The following MED26 variants were observed in gnomAD, a reference collection of about 807,000 sequenced individuals.
MED26 encodes the protein mediator of RNA polymerase II transcription subunit 26.
Under a neutral mutation model 43.7 loss-of-function variants are expected in MED26, and 7 were observed. The observed-to-expected ratio is 0.16, with a 90% CI of 0.09 to 0.30. The LOEUF is 0.30. Among genes scored for constraint, MED26 ranks in the 10% least tolerant of loss-of-function variants. The pLI, the probability that MED26 is intolerant of heterozygous loss-of-function variation, is 1.00. For synonymous variants in MED26, 375 were observed against 371.1 expected, an observed-to-expected ratio of 1.01 and a Z score of -0.12; for missense variants, 784 against 840.6, an observed-to-expected ratio of 0.93 and a Z score of 0.83.
At position 16,575,319 on chromosome 19, in the gene MED26, T is replaced by A. The variant is rs1275082613; in HGVS notation, c.*708A>T. On this transcript the variant is annotated 3_prime_UTR_variant, in exon 3 of 3. Coordinates refer to ENST00000263390, the MANE Select transcript of MED26 (RefSeq NM_004831.5). ...GTGGTCTGATGGAAGAGGAATTGTT[T>A]AAAATAAACATGAGAAAACTTAAAT... 1.3e-5 allele frequency: 2 copies of A among 152,684 alleles called. No individual in the cohort carries two copies. Among genetic ancestry groups the A allele is most frequent in the African/African-American group, 4.8e-5 (2 of 41,458 alleles). The allele number at this position is 152,684 out of a possible 1,614,324, so 9.5% of individuals were successfully genotyped here. A position where few individuals can be genotyped will look rare whatever the true frequency, so the allele number is the denominator to read the frequency against.
intron 1 of MED26, among the ~76,000 whole-genome samples, chr19:16,609,938 C>CT (rs2086192033): frequency 2.0e-5 from 2 of 100,282 alleles, no homozygotes; most frequent in South Asian, 3.4e-4. Flanking sequence ...CACAAGCACT[C>CT]TTTAAAAAAA....
chr19:16,618,136 G>A (rs1214300454), intron 1 of MED26, among the ~76,000 whole-genome samples: 2 of 152,180 alleles, frequency 1.3e-5, no homozygotes, highest in African/African-American at 4.8e-5. Flanking sequence ...GAAACAGGCA[G>A]GACAATCAGA....
chr19:16,576,189 G>A lies in MED26; in HGVS notation c.1641C>T (p.Val547=), dbSNP rs2085997464. Residue 547 remains valine (V), a synonymous_variant, in exon 3 of 3, where the codon GTC becomes GTT. Coordinates refer to ENST00000263390, the MANE Select transcript of MED26 (RefSeq NM_004831.5). This position sits in a 1 kb window ranked among gnomAD's most constrained non-coding sequence, Gnocchi z 6.8. ...GGATTCTGTCGAGATCGTCCTGTGT[G>A]ACCTCCCGGGTCAGACCAGGGAGGT... is the stretch of plus-strand genomic sequence containing the variant. ...PTDLPGLTRE[V]TQDDLDRIQA... 2 of 1,613,042 alleles carry A rather than the reference G, an allele frequency of 1.2e-6. No individual in the cohort carries two copies. The highest frequency in any genetic ancestry group is 2.2e-5 in the East Asian group (1 of 44,870).
intron 1 of MED26, among the ~76,000 whole-genome samples, chr19:16,617,805 T>C (rs2086232804): frequency 8.2e-6 from 1 of 122,102 alleles, no homozygotes; most frequent in Non-Finnish European, 1.6e-5. Flanking sequence ...ACCATCAAGG[T>C]GAGAAAATGA....
intron 1 of MED26, among the ~76,000 whole-genome samples, chr19:16,595,803 T>C (rs1383862736): frequency 6.6e-6 from 1 of 152,272 alleles, no homozygotes; most frequent in Non-Finnish European, 1.5e-5. Flanking sequence ...CTAAATGTTC[T>C]ATTAATGTAT....
chr19:16,577,308 G>A lies in MED26; in HGVS notation c.522C>T (p.Val174=), dbSNP rs1280296025. The A allele has an allele frequency of 3.1e-6, 5 of 1,611,998 alleles. No homozygotes were observed. The highest frequency in any genetic ancestry group is 4.2e-6 in the Non-Finnish European group (5 of 1,178,966). The change falls in exon 3 of 3, where the codon GTC becomes GTT. Residue 174 remains valine, a synonymous_variant. Transcript: ENST00000263390. This position sits in a 1 kb window ranked among gnomAD's most constrained non-coding sequence, Gnocchi z 8.1. ...TGGTGGGGAGGGGGGATGAGTTGGG[G>A]ACCAGGGGGTCGTGGCTAGCTTTGG... The part of the protein sequence containing the change: ...KVSKASHDPL[V]PNSSPLPTNG...
intron 1 of MED26, among the ~76,000 whole-genome samples, chr19:16,618,148 C>A (rs528942189): frequency 4.2e-4 from 64 of 152,240 alleles, no homozygotes; most frequent in African/African-American, 1.5e-3. Flanking sequence ...ACAATCAGAC[C>A]CAACAGATCT....
intron 1 of MED26, among the ~76,000 whole-genome samples, chr19:16,595,840 G>C (rs553026970): frequency 6.6e-6 from 1 of 152,244 alleles, no homozygotes; most frequent in East Asian, 1.9e-4. Flanking sequence ...TTCTCCGATT[G>C]CTGGGCAGTT....
chr19:16,577,825 C>T lies in MED26; in HGVS notation c.148-143G>A. 1 of 599,700 alleles carries T rather than the reference C, an allele frequency of 1.7e-6. No individual in the cohort carries two copies. The highest frequency in any genetic ancestry group is 2.8e-6 in the Non-Finnish European group (1 of 351,356). The allele number at this position is 599,700 out of a possible 1,614,324, so 37.1% of individuals were successfully genotyped here. A position where few individuals can be genotyped will look rare whatever the true frequency, so the allele number is the denominator to read the frequency against. On this transcript the variant is annotated intron_variant, in intron 2 of 2. Transcript: ENST00000263390. The surrounding 1 kb of genome is among the most constrained non-coding windows in gnomAD (Gnocchi z 8.1). ...AACTGCCAGCTTCCCTGACACAAAA[C>T]TTCTGGGGATTTCCGGTCCTTTGTG...
chr19:16,599,824 C>G (rs2086140195), intron 1 of MED26, among the ~76,000 whole-genome samples: 1 of 152,196 alleles, frequency 6.6e-6, no homozygotes, highest in Non-Finnish European at 1.5e-5. Context: ...CAGGACACAC[C>G]TGTACAGGGG....
At position 16,575,983 on chromosome 19, in the gene MED26, C is replaced by A; in HGVS notation, c.*44G>T. ...CTGCCCACCTGCCTGCCCGCCCACC[C>A]GGCTTCTGCAAGATGGGAATGCACT... On this transcript the variant is annotated 3_prime_UTR_variant, in exon 3 of 3. Coordinates refer to ENST00000263390, the MANE Select transcript of MED26 (RefSeq NM_004831.5). 6.4e-7 allele frequency: 1 copy of A among 1,562,378 alleles called. No homozygotes were observed. Among genetic ancestry groups the A allele is most frequent in the Non-Finnish European group, 8.7e-7 (1 of 1,147,328 alleles).
intron 1 of MED26, among the ~76,000 whole-genome samples, chr19:16,603,590 C>T (rs1464237953): frequency 6.6e-6 from 1 of 152,148 alleles, no homozygotes; most frequent in Non-Finnish European, 1.5e-5. Context: ...GGGGAAGGGA[C>T]CTCAGCCCCT....
chr19:16,595,134 G>A (rs2122410422), intron 1 of MED26, among the ~76,000 whole-genome samples: 1 of 152,262 alleles, frequency 6.6e-6, no homozygotes, highest in South Asian at 2.1e-4. Flanking sequence ...CCCCATGTAG[G>A]AAAGCCCACA....
Position 16,576,644 on chromosome 19 carries a change from T to C in MED26, c.1186A>G (p.Arg396Gly). 6.2e-7 allele frequency: 1 copy of C among 1,613,506 alleles called. No individual in the cohort carries two copies. The highest frequency in any genetic ancestry group is 8.5e-7 in the Non-Finnish European group (1 of 1,179,824). ...ACCGTATAGTCTCGAGGTCGGTACC[T>C]CTTCTTCTTTTTACTGTCCGAGCCC... ...SGGSDSKKKK[R>G]YRPRDYTVNL... Residue 396 changes from arginine to glycine, a missense_variant, in exon 3 of 3, where the codon AGG becomes GGG. This residue lies in a region of MED26 where 719 missense variants were observed against 730.9 expected (regional missense o/e 0.98). Transcript: ENST00000263390. This position sits in a 1 kb window ranked among gnomAD's most constrained non-coding sequence, Gnocchi z 6.8.
chr19:16,578,329 A>AATCC lies in MED26; in HGVS notation c.147+5_147+6insGGAT. On this transcript the variant is annotated splice_donor_region_variant and intron_variant, in intron 2 of 2. Transcript: ENST00000263390. ...CCTCCCAAATGCTGGGGTCTGGGAT[A>AATCC]CTCACCTCAAGTGCCTCTTTGGTAA... 1 of 1,613,594 alleles carries AATCC rather than the reference A, an allele frequency of 6.2e-7. No homozygotes were observed. The highest frequency in any genetic ancestry group is 8.5e-7 in the Non-Finnish European group (1 of 1,179,652).
chr19:16,615,834 C>G (rs1424022613), intron 1 of MED26, among the ~76,000 whole-genome samples: 1 of 152,148 alleles, frequency 6.6e-6, no homozygotes, highest in Non-Finnish European at 1.5e-5. Context: ...ACTCCTCTGA[C>G]CAGGTCTTAA....
At chr19:16,604,605 C>T (rs1051814230) in intron 1 of MED26, among the ~76,000 whole-genome samples, 4 of 152,176 alleles carry the variant, frequency 2.6e-5, no homozygotes, top group Non-Finnish European at 5.9e-5. Context: ...ATGGGGAAGG[C>T]TGGTTCTAAG....
At chr19:16,579,997 G>C (rs916766705) in intron 1 of MED26, among the ~76,000 whole-genome samples, 4 of 152,212 alleles carry the variant, frequency 2.6e-5, no homozygotes, top group Non-Finnish European at 4.4e-5. Context: ...GGCCCGACTT[G>C]AATGCTGTGG....
intron 1 of MED26, among the ~76,000 whole-genome samples, chr19:16,616,505 C>A (rs2086226806): frequency 6.6e-6 from 1 of 152,180 alleles, no homozygotes. Flanking sequence ...CTGCACTAGA[C>A]CCCCTGGAGG....
Sources: allele counts gnomAD v4.1 joint callset (sites outside exome capture counted in the v4.1 genomes callset), GRCh38; gene constraint gnomAD v4.1.1; regional missense constraint gnomAD v4.1.1; non-coding constraint Gnocchi (gnomAD v3.1); transcripts MANE v1.5; gene names NCBI Gene and HGNC (gene_info 2026-07-23, HGNC 2026-07-21).